The following HPSE variants were observed in gnomAD, a reference collection of about 807,000 sequenced individuals.
HPSE encodes the protein endo-glucoronidase.
HPSE carries 48 observed loss-of-function variants against 65.1 expected under a neutral mutation model. The ratio of observed to expected loss-of-function variants is 0.74; its 90% confidence interval spans 0.58 to 0.94. The LOEUF is 0.94. HPSE is among the 40% of genes least tolerant of loss of function. The pLI is 0.00. For synonymous variants in HPSE, 243 were observed against 260.0 expected (o/e 0.93, Z 0.63); for missense variants, 644 against 637.5 (o/e 1.01, Z -0.11).
intron 1 of HPSE, among the ~76,000 whole-genome samples, chr4:83,324,486 C>G (rs1483133439): frequency 6.6e-6 from 1 of 152,176 alleles, no homozygotes; most frequent in Non-Finnish European, 1.5e-5. Flanking sequence ...AGTGATTCCT[C>G]CTCACCATAT....
chr4:83,327,001 C>T (rs953571187), intron 1 of HPSE, among the ~76,000 whole-genome samples: 6 of 152,140 alleles, frequency 3.9e-5, no homozygotes, highest in African/African-American at 1.4e-4. Flanking sequence ...ACTGCGCTGC[C>T]TTCATTTTCT....
chr4:83,298,725 G>A (rs568921348), intron 11 of HPSE, among the ~76,000 whole-genome samples: 2 of 152,264 alleles, frequency 1.3e-5, no homozygotes, highest in Admixed American at 1.3e-4. Context: ...CTACTCAGAA[G>A]GCTGAGGAGG....
chr4:83,313,399 G>C, intron 3 of HPSE, 112 bp from the exon 4 acceptor site: 1 of 631,608 alleles, frequency 1.6e-6, no homozygotes, highest in Non-Finnish European at 2.6e-6. Flanking sequence ...AGAAATTCTA[G>C]TTCTAATAAA....
intron 11 of HPSE, among the ~76,000 whole-genome samples, chr4:83,299,484 G>C (rs1453605947): frequency 1.3e-5 from 2 of 151,428 alleles, no homozygotes; most frequent in African/African-American, 4.9e-5. Context: ...CCTATTACAT[G>C]TTATATGATT....
At chr4:83,327,083 C>T (rs1560515922) in intron 1 of HPSE, among the ~76,000 whole-genome samples, 1 of 152,154 alleles carries the variant, frequency 6.6e-6, no homozygotes, top group Non-Finnish European at 1.5e-5. Context: ...TTGCAGCCCC[C>T]ATCTCTGCTG....
intron 11 of HPSE, 32 bp downstream of exon 11, chr4:83,300,928 A>G: frequency 6.7e-7 from 1 of 1,483,736 alleles, no homozygotes; most frequent in Non-Finnish European, 9.2e-7. Context: ...AAATTTATTG[A>G]AAGTTTGGAA....
At chr4:83,315,862 T>C (rs1042526586) in intron 3 of HPSE, among the ~76,000 whole-genome samples, 2 of 152,188 alleles carry the variant, frequency 1.3e-5, no homozygotes, top group South Asian at 4.1e-4. Context: ...CTGGAATGCT[T>C]GCACTCATAC....
chr4:83,307,370 A>G (rs1736180374), intron 8 of HPSE, among the ~76,000 whole-genome samples: 1 of 152,196 alleles, frequency 6.6e-6, no homozygotes, highest in South Asian at 2.1e-4. Flanking sequence ...AAGTGTCATC[A>G]ATTATAAATA....
At chr4:83,319,908 T>C (rs542926359) in intron 2 of HPSE, among the ~76,000 whole-genome samples, 1 of 151,166 alleles carries the variant, frequency 6.6e-6, no homozygotes, top group African/African-American at 2.4e-5. Context: ...AAAATACAGC[T>C]ACTCAGGAGG....
At chr4:83,295,949 A>G (rs981584358) in intron 11 of HPSE, among the ~76,000 whole-genome samples, 1 of 152,222 alleles carries the variant, frequency 6.6e-6, no homozygotes, top group Admixed American at 6.5e-5. Flanking sequence ...ATGGTAGCCA[A>G]TGAAATTTCT....
upstream of HPSE, chr4:83,334,964 T>G: frequency 1.0e-6 from 1 of 986,300 alleles, no homozygotes; most frequent in East Asian, 2.9e-5. Context: ...CTCCCACTGC[T>G]CCCAATCCAA....
rs1176065764 is a variant in HPSE at position 83,334,723 on chromosome 4, C to T, written c.60G>A (p.Pro20=). The T allele has an allele frequency of 2.6e-6, 4 of 1,563,506 alleles. No individual in the cohort carries two copies. The highest frequency in any genetic ancestry group is 1.9e-5 in the Admixed American group (1 of 52,604). ...GGGCGCCAGGGGAGAGGGGACCCAG[C>T]GGCCCCAGGAGCAGCAGCATCAGCG... ...PPPLMLLLLG[P]LGPLSPGALP... The change falls in exon 1 of 12, where the codon CCG becomes CCA. Residue 20 remains proline, a synonymous_variant. Coordinates refer to ENST00000311412, the MANE Select transcript of HPSE (RefSeq NM_001098540.3).
intron 1 of HPSE, among the ~76,000 whole-genome samples, chr4:83,329,578 T>G (rs1319704181): frequency 6.6e-6 from 1 of 152,202 alleles, no homozygotes; most frequent in Non-Finnish European, 1.5e-5. Context: ...GGTGCTCTGC[T>G]TTTTAGTATT....
chr4:83,329,472 TAGAG>T (rs2126198121), intron 1 of HPSE, among the ~76,000 whole-genome samples: 1 of 152,028 alleles, frequency 6.6e-6, no homozygotes, highest in Non-Finnish European at 1.5e-5. Flanking sequence ...ATGGAAGAAG[TAGAG>T]AGAGGAAGAA....
rs978939076 is a variant in HPSE, at chr4:83,334,539, A to G, written c.227+17T>C. ...GGAGGACAGGAAAGGGGACAGGACC[A>G]GGAGGCTGGCGCTTACCCCAGGAGG... On this transcript the variant is annotated intron_variant, in intron 1 of 11. Transcript: ENST00000311412. 2.6e-6 allele frequency: 4 copies of G among 1,562,622 alleles called. No homozygotes were observed. Among genetic ancestry groups the G allele is most frequent in the Non-Finnish European group, 3.5e-6 (4 of 1,153,390 alleles).
intron 3 of HPSE, among the ~76,000 whole-genome samples, chr4:83,318,452 T>C (rs1436168607): frequency 6.6e-5 from 10 of 152,110 alleles, no homozygotes; most frequent in Non-Finnish European, 1.0e-4. Flanking sequence ...GCCAACATGG[T>C]GAAACCCTGT....
chr4:83,332,728 G>C (rs1258897337), intron 1 of HPSE, among the ~76,000 whole-genome samples: 1 of 152,212 alleles, frequency 6.6e-6, no homozygotes, highest in Non-Finnish European at 1.5e-5. Flanking sequence ...CTTGACTGCT[G>C]GGTGATCAGG....
upstream of HPSE, chr4:83,334,865 C>G: frequency 1.4e-6 from 2 of 1,436,900 alleles, no homozygotes; most frequent in Non-Finnish European, 1.8e-6. Flanking sequence ...CGCCGAGCCC[C>G]AGCGCCCTTT....
At chr4:83,305,257 C>T (rs909209875) in intron 9 of HPSE, among the ~76,000 whole-genome samples, 4 of 152,162 alleles carry the variant, frequency 2.6e-5, no homozygotes, top group Non-Finnish European at 4.4e-5. Flanking sequence ...GAATGTTTGT[C>T]TGGTGAAATT....
Sources: allele counts gnomAD v4.1 joint callset (sites outside exome capture counted in the v4.1 genomes callset), GRCh38; gene constraint gnomAD v4.1.1; transcripts MANE v1.5; gene names NCBI Gene and HGNC (gene_info 2026-07-23, HGNC 2026-07-21).